Variants in RPSA2 observed in about 807,000 individuals in gnomAD.
The protein encoded by RPSA2 is small ribosomal subunit protein uS2B.
At chr19:23,763,712 C>T in the RPSA2 span, among the ~76,000 whole-genome samples, 4 of 152,280 alleles carry the variant, frequency 2.6e-5, no homozygotes, top group East Asian at 7.7e-4. Context: ...AGTGATCCGC[C>T]AGCCTTGGCC....
At chr19:23,779,304 C>T in the RPSA2 span, among the ~76,000 whole-genome samples, 10 of 152,048 alleles carry the variant, frequency 6.6e-5, no homozygotes, top group Non-Finnish European at 1.5e-4. Context: ...CCGGCCATGA[C>T]ACATTTTTTG....
At chr19:23,809,411 C>G in the RPSA2 span, 1 of 152,026 alleles carries the variant, frequency 6.6e-6, no homozygotes, top group African/African-American at 2.4e-5. Flanking sequence ...AAAAAAAACA[C>G]TGGAATTTTG....
At chr19:23,829,660 A>C in the RPSA2 span, among the ~76,000 whole-genome samples, 1 of 152,222 alleles carries the variant, frequency 6.6e-6, no homozygotes, top group Non-Finnish European at 1.5e-5. Context: ...ATAATGTCTA[A>C]AAGATACAAC....
At chr19:23,774,149 C>T in the RPSA2 span, among the ~76,000 whole-genome samples, 2 of 152,126 alleles carry the variant, frequency 1.3e-5, no homozygotes, top group Non-Finnish European at 2.9e-5. Flanking sequence ...TGAGTCTCCT[C>T]CTTTGCCTTG....
At chr19:23,819,407 T>G in the RPSA2 span, 1 of 152,318 alleles carries the variant, frequency 6.6e-6, no homozygotes, top group Non-Finnish European at 1.5e-5. Context: ...GCTACCAGTT[T>G]CAGCCAACTG....
chr19:23,781,810 T>G, the RPSA2 span, among the ~76,000 whole-genome samples: 1 of 152,200 alleles, frequency 6.6e-6, no homozygotes, highest in East Asian at 1.9e-4. Context: ...TCTACAAATG[T>G]CTTGTGACAT....
At chr19:23,773,068 T>TC in the RPSA2 span, among the ~76,000 whole-genome samples, 1 of 43,472 alleles carries the variant, frequency 2.3e-5, no homozygotes, top group South Asian at 1.3e-3. Flanking sequence ...AGACTCCGTC[T>TC]CCTCCTGTGT....
chr19:23,766,312 C>T, the RPSA2 span, among the ~76,000 whole-genome samples: 1 of 151,274 alleles, frequency 6.6e-6, no homozygotes, highest in African/African-American at 2.4e-5. Context: ...GCCACTGTGC[C>T]CAGCCTCAGA....
At chr19:23,859,279 C>A in the RPSA2 span, among the ~76,000 whole-genome samples, 1 of 152,104 alleles carries the variant, frequency 6.6e-6, no homozygotes, top group Non-Finnish European at 1.5e-5. Flanking sequence ...TTAGAAAATT[C>A]TTGTTTCCCT....
At chr19:23,837,017 C>T in the RPSA2 span, among the ~76,000 whole-genome samples, 57 of 152,206 alleles carry the variant, frequency 3.7e-4, no homozygotes, top group African/African-American at 1.2e-3. Flanking sequence ...TTTGTTTTTA[C>T]TGCATTTGCT....
chr19:23,795,257 T>C, the RPSA2 span, among the ~76,000 whole-genome samples: 1 of 152,016 alleles, frequency 6.6e-6, no homozygotes, highest in African/African-American at 2.4e-5. Context: ...TCTGTAAATA[T>C]TGGGGTTAGT....
chr19:23,846,087 G>A, the RPSA2 span, among the ~76,000 whole-genome samples: 156 of 152,024 alleles, frequency 1.0e-3, no homozygotes, highest in Middle Eastern at 3.4e-3. Context: ...TCTTTCTATA[G>A]GTTTAATAAT....
chr19:23,799,478 G>C, the RPSA2 span: 1 of 152,250 alleles, frequency 6.6e-6, no homozygotes, highest in Non-Finnish European at 1.5e-5. Flanking sequence ...TCTTCCTGCA[G>C]CTCAGGCTTC....
At chr19:23,789,661 G>A in the RPSA2 span, among the ~76,000 whole-genome samples, 1 of 151,826 alleles carries the variant, frequency 6.6e-6, no homozygotes, top group African/African-American at 2.4e-5. Flanking sequence ...AAGCTCTCGG[G>A]TGGCACAGAC....
At chr19:23,848,350 A>G in the RPSA2 span, among the ~76,000 whole-genome samples, 60 of 152,248 alleles carry the variant, frequency 3.9e-4, 1 homozygote, top group Admixed American at 2.1e-3. Flanking sequence ...CTCAATTTTT[A>G]CACATGATTC....
the RPSA2 span, among the ~76,000 whole-genome samples, chr19:23,791,291 C>T: frequency 8.5e-5 from 13 of 152,256 alleles, no homozygotes; most frequent in Admixed American, 3.3e-4. Context: ...TGAGTCACTG[C>T]GCCAGCCCTA....
chr19:23,761,837 G>A, the RPSA2 span, among the ~76,000 whole-genome samples: 66,754 of 148,318 alleles, frequency 0.45, 16,352 homozygotes, highest in Non-Finnish European at 0.57. Context: ...AATTACCCTG[G>A]AATAGCCACT....
chr19:23,761,159 G>A, the RPSA2 span, among the ~76,000 whole-genome samples: 1 of 151,430 alleles, frequency 6.6e-6, no homozygotes, highest in African/African-American at 2.4e-5. Context: ...TGAATGATGG[G>A]TCACTGCAGC....
chr19:23,859,649 T>C, the RPSA2 span, among the ~76,000 whole-genome samples: 3 of 152,126 alleles, frequency 2.0e-5, no homozygotes, highest in Admixed American at 2.0e-4. Flanking sequence ...ATTGAATTGC[T>C]TAGTCATGTC....
Sources: allele counts gnomAD v4.1 joint callset (sites outside exome capture counted in the v4.1 genomes callset), GRCh38; gene constraint gnomAD v4.1.1; transcripts MANE v1.5; gene names NCBI Gene and HGNC (gene_info 2026-07-23, HGNC 2026-07-21).